The following ATP8B4 variants were observed in gnomAD, a reference collection of about 807,000 sequenced individuals.
ATP8B4 encodes the protein probable phospholipid-transporting ATPase IM.
In ATP8B4, 133 loss-of-function variants were observed where a neutral mutation model predicts 145.6. The ratio of observed to expected loss-of-function variants is 0.91; its 90% CI spans 0.79 to 1.05. The LOEUF (loss-of-function observed/expected upper bound fraction) is 1.05. Among genes scored for constraint, ATP8B4 ranks in the 50% least tolerant of loss-of-function variants. The probability of loss-of-function intolerance (pLI) is 0.00; values close to 1 mark genes in which losing one functional copy is unlikely to be tolerated. For synonymous variants in ATP8B4, 507 were observed against 492.9 expected (o/e 1.03, Z -0.38); for missense variants, 1,458 against 1,425.2 (o/e 1.02, Z -0.37).
chr15:50,003,274 ATG>A (rs10539979), intron 7 of ATP8B4, among the ~76,000 whole-genome samples: 9,710 of 140,956 alleles, frequency 0.069, 346 homozygotes, highest in Non-Finnish European at 0.089. Flanking sequence ...TAGGGTGTGC[ATG>A]TGTGTGTGTG....
At chr15:50,079,636 T>C (rs1206722332) in intron 2 of ATP8B4, among the ~76,000 whole-genome samples, 1 of 152,148 alleles carries the variant, frequency 6.6e-6, no homozygotes, top group Non-Finnish European at 1.5e-5. Flanking sequence ...AAAATAAGGT[T>C]TTTGTAACAA....
At chr15:49,952,240 G>A (rs1046363749) in intron 14 of ATP8B4, among the ~76,000 whole-genome samples, 7 of 152,148 alleles carry the variant, frequency 4.6e-5, no homozygotes, top group African/African-American at 1.4e-4. Context: ...ATGTTGGACT[G>A]TCTTGCTAGG....
chr15:50,013,355 T>C (rs1342426079), intron 6 of ATP8B4, among the ~76,000 whole-genome samples: 1 of 152,144 alleles, frequency 6.6e-6, no homozygotes, highest in Non-Finnish European at 1.5e-5. Flanking sequence ...AAGGTGACAC[T>C]GGCTCCACAG....
chr15:49,925,974 G>C (rs965291032), intron 16 of ATP8B4, among the ~76,000 whole-genome samples: 54 of 152,234 alleles, frequency 3.5e-4, no homozygotes, highest in African/African-American at 1.2e-3. Context: ...CAGTTTTTAG[G>C]TTATAAAATC....
intron 3 of ATP8B4, among the ~76,000 whole-genome samples, chr15:50,061,639 T>G (rs1244525213): frequency 1.3e-5 from 2 of 152,208 alleles, no homozygotes; most frequent in Non-Finnish European, 2.9e-5. Context: ...TACTTTTCAG[T>G]GAGCTCATCA....
chr15:50,028,553 C>G (rs1033253565), intron 6 of ATP8B4, among the ~76,000 whole-genome samples: 2 of 152,132 alleles, frequency 1.3e-5, no homozygotes, highest in Non-Finnish European at 2.9e-5. Flanking sequence ...ATTTTGCTCA[C>G]ACACCTTACC....
intron 3 of ATP8B4, among the ~76,000 whole-genome samples, chr15:50,048,104 G>A (rs1305185915): frequency 1.3e-5 from 2 of 151,992 alleles, no homozygotes; most frequent in Non-Finnish European, 2.9e-5. Flanking sequence ...ATGTCACTGA[G>A]GTTTGGTGTA....
chr15:49,900,779 C>A (rs1000611465), intron 21 of ATP8B4, among the ~76,000 whole-genome samples: 1 of 152,082 alleles, frequency 6.6e-6, no homozygotes, highest in African/African-American at 2.4e-5. Context: ...AACAGTGAGC[C>A]GTAACACTCC....
chr15:49,987,304 T>G (rs1275354413), intron 10 of ATP8B4, 87 bp downstream of exon 10: 8 of 1,452,670 alleles, frequency 5.5e-6, no homozygotes, highest in Non-Finnish European at 7.4e-6. Context: ...AGCACTGCGC[T>G]CATCAGAACA....
chr15:49,946,615 T>A (rs79927712), intron 14 of ATP8B4, among the ~76,000 whole-genome samples: 3 of 151,268 alleles, frequency 2.0e-5, no homozygotes, highest in Admixed American at 1.3e-4. Context: ...TTTTTTTTTT[T>A]AAATCTCTCT....
rs148587257 is a variant in ATP8B4 at position 49,944,756 on chromosome 15, A to T, written c.1288-10574T>A. ...AAAACATTCTGCCCAACAACAGCAG[A>T]ATGCACATTCTGTGTCAAGGTAGCA... On this transcript the variant is annotated intron_variant, in intron 14 of 27. Coordinates refer to ENST00000284509, the MANE Select transcript of ATP8B4 (RefSeq NM_024837.4). 3.7e-3 allele frequency among the ~76,000 whole-genome samples: 569 copies of T among 152,296 alleles called. 8 individuals are homozygous for T. The highest frequency in any genetic ancestry group is 0.013 in the African/African-American group (553 of 41,570).
chr15:50,006,241 T>A (rs769617872), intron 7 of ATP8B4, among the ~76,000 whole-genome samples: 6 of 150,536 alleles, frequency 4.0e-5, no homozygotes, highest in Admixed American at 2.6e-4. Context: ...AGAATAATAA[T>A]GGACATCATA....
At chr15:49,934,333 T>A in intron 14 of ATP8B4, 151 bp from the exon 15 acceptor site, 2 of 869,990 alleles carry the variant, frequency 2.3e-6, no homozygotes, top group Non-Finnish European at 3.4e-6. Context: ...TCATTACTGT[T>A]AAATATAATC....
intron 9 of ATP8B4, among the ~76,000 whole-genome samples, chr15:49,992,548 A>T (rs994344532): frequency 6.6e-6 from 1 of 152,174 alleles, no homozygotes; most frequent in Non-Finnish European, 1.5e-5. Context: ...AGACATCCTG[A>T]GATTTCAACC....
intron 20 of ATP8B4, among the ~76,000 whole-genome samples, chr15:49,915,421 A>C (rs2153449801): frequency 6.6e-6 from 1 of 152,238 alleles, no homozygotes; most frequent in South Asian, 2.1e-4. Context: ...ATAGTTAGCA[A>C]CCATGTATTG....
intron 13 of ATP8B4, among the ~76,000 whole-genome samples, chr15:49,965,861 T>C (rs1323973833): frequency 6.7e-6 from 1 of 148,408 alleles, no homozygotes; most frequent in Non-Finnish European, 1.5e-5. Context: ...CTCTGGTCCG[T>C]AGCTCCCAAT....
chr15:50,175,015 G>A (rs1033496683), intron 1 of ATP8B4, among the ~76,000 whole-genome samples: 7 of 152,066 alleles, frequency 4.6e-5, no homozygotes. Context: ...ACTCATCTTT[G>A]ACAAAGCAAA....
At chr15:50,095,898 C>T (rs925326518) in intron 2 of ATP8B4, among the ~76,000 whole-genome samples, 1 of 152,160 alleles carries the variant, frequency 6.6e-6, no homozygotes, top group Non-Finnish European at 1.5e-5. Flanking sequence ...AAACTGACTT[C>T]GAAGATTCTT....
intron 20 of ATP8B4, among the ~76,000 whole-genome samples, chr15:49,914,989 C>T (rs1420081182): frequency 6.6e-6 from 1 of 152,030 alleles, no homozygotes; most frequent in Non-Finnish European, 1.5e-5. Flanking sequence ...ATTACTATAT[C>T]AAAGGGATAT....
Sources: gnomAD v4.1 joint callset for allele counts (sites outside exome capture counted in the v4.1 genomes callset) on GRCh38, gnomAD v4.1.1 for gene constraint, MANE v1.5 for transcripts, NCBI Gene and HGNC (gene_info 2026-07-23, HGNC 2026-07-21) for gene names.